The following ARAP2 variants were observed in gnomAD, a reference collection of about 807,000 sequenced individuals.
The protein encoded by ARAP2 is arf-GAP with Rho-GAP domain, ANK repeat and PH domain-containing protein 2.
Under a neutral mutation model 194.5 loss-of-function variants are expected in ARAP2, and 148 were observed. The observed-to-expected ratio is 0.76, with a 90% confidence interval of 0.67 to 0.87. The LOEUF is 0.87. ARAP2 is among the 40% of genes least tolerant of loss of function. The pLI is 0.00. For synonymous variants in ARAP2, 695 were observed against 683.5 expected (o/e 1.02, Z -0.26); for missense variants, 2,128 against 1,989.7 (o/e 1.07, Z -1.32).
At chr4:36,068,748 G>A (rs934988482) in intron 32 of ARAP2, among the ~76,000 whole-genome samples, 6 of 152,172 alleles carry the variant, frequency 3.9e-5, no homozygotes, top group South Asian at 2.1e-4. Context: ...TTCTGAGCAC[G>A]TTTAAGCTAG....
chr4:36,084,080 T>C (rs775926819), intron 28 of ARAP2, among the ~76,000 whole-genome samples: 1 of 152,078 alleles, frequency 6.6e-6, no homozygotes, highest in Admixed American at 6.6e-5. Flanking sequence ...CAGTCACAGA[T>C]TGAAGGCTGC....
Position 36,124,970 on chromosome 4 carries a change from G to T in ARAP2, c.3641-3C>A, listed in dbSNP as rs756679900. The T allele has an allele frequency of 6.4e-7, 1 of 1,573,690 alleles. No homozygotes were observed. Among genetic ancestry groups the T allele is most frequent in the South Asian group, 1.1e-5 (1 of 88,690 alleles). The stretch of plus-strand genomic sequence containing the variant: ...TCTTTCCTTGTCATCTTGCGTATCT[G>T]AAGGGGAAAAAAAAACAATCTTGAG... On this transcript the variant is annotated splice_region_variant and splice_polypyrimidine_tract_variant and intron_variant, in intron 21 of 32. Transcript: ENST00000303965.
intron 19 of ARAP2, among the ~76,000 whole-genome samples, chr4:36,146,735 A>C (rs1357469704): frequency 1.3e-5 from 2 of 152,074 alleles, no homozygotes; most frequent in Non-Finnish European, 2.9e-5. Context: ...TGATGGACAG[A>C]ATAGCATATA....
Position 36,210,758 on chromosome 4 carries a change from G to A in ARAP2, c.1134-15C>T, listed in dbSNP as rs1224885025. ...TATCGTATATGCTAAACGGAAAAAT[G>A]ATGTAAACATTTCAAAGTGCTATAT... is the stretch of plus-strand genomic sequence containing the variant. On this transcript the variant is annotated splice_polypyrimidine_tract_variant and intron_variant, in intron 5 of 32. Transcript: ENST00000303965. The A allele has an allele frequency of 1.3e-6, 2 of 1,526,150 alleles. No homozygotes were observed. Among genetic ancestry groups the A allele is most frequent in the Non-Finnish European group, 1.8e-6 (2 of 1,134,424 alleles). The allele number at this position is 1,526,150 out of a possible 1,614,324, so 94.5% of individuals were successfully genotyped here. A position where few individuals can be genotyped will look rare whatever the true frequency, so the allele number is the denominator to read the frequency against.
intron 28 of ARAP2, among the ~76,000 whole-genome samples, chr4:36,087,403 T>A (rs1341164921): frequency 6.6e-6 from 1 of 152,096 alleles, no homozygotes; most frequent in African/African-American, 2.4e-5. Context: ...AGACAATAAT[T>A]CCACAACTTG....
chr4:36,222,492 A>G (rs1749397702), intron 2 of ARAP2, among the ~76,000 whole-genome samples: 3 of 151,930 alleles, frequency 2.0e-5, no homozygotes. Context: ...ATGTGGAAAA[A>G]TCACAAAAAT....
chr4:36,069,637 G>A (rs540459140), intron 32 of ARAP2, among the ~76,000 whole-genome samples: 8 of 152,208 alleles, frequency 5.3e-5, no homozygotes, highest in East Asian at 1.9e-4. Context: ...AGTTCTCATC[G>A]TCTTTCAACC....
At chr4:36,202,224 ATTAT>A (rs906505197) in intron 6 of ARAP2, among the ~76,000 whole-genome samples, 2 of 152,074 alleles carry the variant, frequency 1.3e-5, no homozygotes, top group Non-Finnish European at 2.9e-5. Context: ...TATTTATCCA[ATTAT>A]TCTTTTAAGA....
chr4:36,071,824 A>T (rs1727029215), intron 32 of ARAP2, among the ~76,000 whole-genome samples: 1 of 151,398 alleles, frequency 6.6e-6, no homozygotes, highest in African/African-American at 2.4e-5. Flanking sequence ...AGCATTAGGT[A>T]TATCTCCCAA....
chr4:36,119,762 G>T, intron 23 of ARAP2, 44 bp from the exon 24 acceptor site: 4 of 1,340,404 alleles, frequency 3.0e-6, no homozygotes, highest in Non-Finnish European at 4.2e-6. Context: ...TGTAGAATAC[G>T]AAGAGTGATG....
chr4:36,032,747 T>G (rs1712766390), intron 5 of ARAP2, among the ~76,000 whole-genome samples: 1 of 152,206 alleles, frequency 6.6e-6, no homozygotes, highest in South Asian at 2.1e-4. Flanking sequence ...ACACAAGGGT[T>G]TGTTGTACAG....
chr4:36,070,784 T>C (rs1302322417), intron 32 of ARAP2, among the ~76,000 whole-genome samples: 2 of 152,204 alleles, frequency 1.3e-5, no homozygotes, highest in African/African-American at 4.8e-5. Context: ...AAATACATAA[T>C]CATATCAATA....
At chr4:36,022,172 C>T (rs1717068893) in intron 5 of ARAP2, among the ~76,000 whole-genome samples, 1 of 152,130 alleles carries the variant, frequency 6.6e-6, no homozygotes, top group Non-Finnish European at 1.5e-5. Flanking sequence ...TTATGTGATG[C>T]ATGACTATAG....
At chr4:36,014,312 A>AAGAAAGAGAGAG (rs1450202367) in intron 8 of ARAP2, among the ~76,000 whole-genome samples, 1 of 76,980 alleles carries the variant, frequency 1.3e-5, no homozygotes, top group African/African-American at 4.8e-5. Flanking sequence ...GAAGGAAGGA[A>AAGAAAGAGAGAG]AGAAAGAAAG....
chr4:36,019,207 G>A (rs1353709826), exon 6 of ARAP2: 1 of 149,616 alleles, frequency 6.7e-6, no homozygotes, highest in African/African-American at 2.6e-5. Context: ...AGTAGAATAA[G>A]TAGTGAAGTT....
rs747621294 is a variant in ARAP2, at chr4:36,068,131, G to T, written c.4891C>A (p.Arg1631=). ...DKLRNRPRKH[R]SFNCLEDTEP... is the part of the protein sequence containing the mutation. ...GTGTCCTCCAGGCAGTTGAAACTCCGATGTTTTCGGGGTCGATTTCGAAGT... is the reference window on the plus strand; with the variant it reads ...GTGTCCTCCAGGCAGTTGAAACTCCTATGTTTTCGGGGTCGATTTCGAAGT... Residue 1631 remains arginine (R), a synonymous_variant, in exon 33 of 33, where the codon CGG becomes AGG. Coordinates refer to ENST00000303965, the MANE Select transcript of ARAP2 (RefSeq NM_015230.4). 1 of 1,614,104 alleles carries T rather than the reference G, an allele frequency of 6.2e-7. No homozygotes were observed.
At chr4:36,177,761 C>A in intron 9 of ARAP2, 66 bp downstream of exon 9, 1 of 1,434,136 alleles carries the variant, frequency 7.0e-7, no homozygotes, top group Non-Finnish European at 9.3e-7. Flanking sequence ...ATAATCCTTC[C>A]AAACAAAACA....
chr4:36,234,219 T>G (rs937691075), intron 1 of ARAP2, among the ~76,000 whole-genome samples: 1 of 152,158 alleles, frequency 6.6e-6, no homozygotes, highest in African/African-American at 2.4e-5. Flanking sequence ...ACAACAGAAG[T>G]GCATTGCTCA....
intron 31 of ARAP2, among the ~76,000 whole-genome samples, chr4:36,079,173 CAAAAAAAA>C (rs34229260): frequency 0.033 from 2,559 of 77,698 alleles, 36 homozygotes; most frequent in South Asian, 0.076. Flanking sequence ...GACTCTGTCT[CAAAAAAAA>C]AAAAAAAAAA....
Sources: gnomAD v4.1 joint callset for allele counts (sites outside exome capture counted in the v4.1 genomes callset) on GRCh38, gnomAD v4.1.1 for gene constraint, MANE v1.5 for transcripts, NCBI Gene and HGNC (gene_info 2026-07-23, HGNC 2026-07-21) for gene names.